The following ZBTB7C variants were observed in gnomAD, a reference collection of about 807,000 sequenced individuals.
The protein encoded by ZBTB7C is zinc finger and BTB domain containing 7C, also known as zinc finger and BTB domain-containing protein 7C.
ZBTB7C carries 8 observed loss-of-function variants against 25.7 expected under a neutral mutation model. The ratio of observed to expected loss-of-function variants is 0.31; its 90% CI spans 0.18 to 0.56. ZBTB7C has a LOEUF of 0.56. Ranked by LOEUF, ZBTB7C falls within the 20% of genes least tolerant of loss-of-function variation. ZBTB7C has a pLI of 0.91. For missense variants in ZBTB7C, 824 were observed against 855.2 expected (o/e 0.96, Z 0.46); for synonymous variants, 394 against 369.0 (o/e 1.07, Z -0.78).
At chr18:48,264,267 T>A (rs931202357) in intron 2 of ZBTB7C, among the ~76,000 whole-genome samples, 1 of 152,176 alleles carries the variant, frequency 6.6e-6, no homozygotes, top group Non-Finnish European at 1.5e-5. Context: ...ATGGGGCGAA[T>A]AAGACTGAGC....
chr18:48,220,368 T>C (rs867160670), intron 2 of ZBTB7C, among the ~76,000 whole-genome samples: 1 of 152,154 alleles, frequency 6.6e-6, no homozygotes, highest in African/African-American at 2.4e-5. Context: ...TCCTCAGAGA[T>C]GCTGGGCTAA....
chr18:48,051,623 C>T (rs570404480), intron 3 of ZBTB7C, among the ~76,000 whole-genome samples: 94 of 152,252 alleles, frequency 6.2e-4, no homozygotes, highest in Admixed American at 1.4e-3. Flanking sequence ...TGGGGGCGCT[C>T]GCATCTTCCC....
chr18:48,328,265 T>C (rs903432824), intron 2 of ZBTB7C, among the ~76,000 whole-genome samples: 2 of 151,926 alleles, frequency 1.3e-5, no homozygotes, highest in African/African-American at 2.4e-5. Context: ...TTGTTTAATA[T>C]GTATCTATTT....
chr18:48,293,865 G>A lies in ZBTB7C; in HGVS notation c.-79+44309C>T, dbSNP rs568909592. Among the ~76,000 whole-genome samples the A allele has an allele frequency of 1.5e-3, 214 of 138,554 alleles. 1 individual carries two copies. The highest frequency in any genetic ancestry group is 2.8e-3 in the Non-Finnish European group (175 of 62,610). The allele number at this position is 138,554 out of a possible 152,430, so 90.9% of individuals were successfully genotyped here. On this transcript the variant is annotated intron_variant, in intron 2 of 4. Transcript: ENST00000590800. ...ATTCCTGGCCTCAAGCAATCCTCCA[G>A]CCTAAGCCTCTCAAAGTGCTGGTAT... is the stretch of plus-strand genomic sequence containing the variant.
At chr18:48,113,822 G>A (rs1225317042) in intron 3 of ZBTB7C, among the ~76,000 whole-genome samples, 1 of 152,188 alleles carries the variant, frequency 6.6e-6, no homozygotes, top group Non-Finnish European at 1.5e-5. Context: ...TCCCACCATC[G>A]GCAGGGTGCA....
intron 2 of ZBTB7C, among the ~76,000 whole-genome samples, chr18:48,311,705 G>A (rs903573449): frequency 6.6e-6 from 1 of 152,190 alleles, no homozygotes; most frequent in Non-Finnish European, 1.5e-5. Context: ...CTGACACCTT[G>A]AAGGGAAGTC....
At chr18:48,209,155 C>A (rs567220300) in intron 2 of ZBTB7C, among the ~76,000 whole-genome samples, 1 of 152,176 alleles carries the variant, frequency 6.6e-6, no homozygotes, top group South Asian at 2.1e-4. Context: ...TATCATTTAA[C>A]CCTCTCTGAT....
chr18:48,172,039 GT>G (rs1317197417), intron 3 of ZBTB7C, among the ~76,000 whole-genome samples: 6 of 152,240 alleles, frequency 3.9e-5, no homozygotes, highest in African/African-American at 1.4e-4. Flanking sequence ...GAGGCAGACA[GT>G]TTTGTTCACA....
At chr18:48,278,682 C>G (rs566901132) in intron 2 of ZBTB7C, among the ~76,000 whole-genome samples, 2 of 152,154 alleles carry the variant, frequency 1.3e-5, no homozygotes, top group African/African-American at 4.8e-5. Flanking sequence ...CCTGCCTCAG[C>G]CTCCCAAAGT....
chr18:48,387,890 G>A lies in ZBTB7C; in HGVS notation c.-304+21336C>T, dbSNP rs369627361. ...ACAGGGTCTTGCAGTGCAGTGGTGC[G>A]ATCTCAGCTCACTGCAACCTCCGCT... On this transcript the variant is annotated intron_variant, in intron 1 of 4. Transcript: ENST00000590800. 9.9e-5 allele frequency among the ~76,000 whole-genome samples: 15 copies of A among 152,144 alleles called. No individual in the cohort carries two copies. The South Asian group carries it at 2.7e-3, about 27-fold the overall frequency.
chr18:48,051,264 G>C (rs1462839823), intron 3 of ZBTB7C, among the ~76,000 whole-genome samples: 2 of 152,226 alleles, frequency 1.3e-5, no homozygotes, highest in East Asian at 3.8e-4. Context: ...TAGCCCAAGG[G>C]ATGGGCAGAT....
At chr18:48,274,811 T>C (rs774544500) in intron 2 of ZBTB7C, among the ~76,000 whole-genome samples, 6 of 152,242 alleles carry the variant, frequency 3.9e-5, no homozygotes, top group Non-Finnish European at 5.9e-5. Context: ...GGCAGGAGGC[T>C]GATCTGCAGG....
intron 2 of ZBTB7C, among the ~76,000 whole-genome samples, chr18:48,257,143 G>C (rs1307981872): frequency 1.3e-5 from 2 of 151,870 alleles, no homozygotes; most frequent in Non-Finnish European, 1.5e-5. Context: ...AAGTAAAAAG[G>C]ATCAAAAATA....
intron 2 of ZBTB7C, among the ~76,000 whole-genome samples, chr18:48,215,386 G>A (rs2042799015): frequency 6.6e-6 from 1 of 152,210 alleles, no homozygotes; most frequent in African/African-American, 2.4e-5. Context: ...ATGTGGCCAA[G>A]GTGGTTGGGT....
intron 3 of ZBTB7C, among the ~76,000 whole-genome samples, chr18:48,127,082 G>A (rs1318204281): frequency 6.6e-6 from 1 of 152,152 alleles, no homozygotes; most frequent in Non-Finnish European, 1.5e-5. Context: ...GGCACTGATG[G>A]CTTTCCTCAT....
In ZBTB7C at chr18:48,109,332, C is replaced by T. The variant is rs190637956; in HGVS notation, c.-16-68209G>A. Among the ~76,000 whole-genome samples, 421 of 152,272 alleles carry T rather than the reference C, an allele frequency of 2.8e-3. 2 individuals are homozygous for T. The highest frequency in any genetic ancestry group is 0.013 in the South Asian group (61 of 4,820). On this transcript the variant is annotated intron_variant, in intron 3 of 4. Transcript: ENST00000590800. ...AGTTTGTGCCTCTCTAGAGCCCTTT[C>T]CCTTTCTAGAACTGGAAAGATCTAG...
chr18:48,240,686 C>T (rs547409876), intron 2 of ZBTB7C, among the ~76,000 whole-genome samples: 8 of 152,316 alleles, frequency 5.3e-5, no homozygotes, highest in African/African-American at 1.9e-4. Context: ...ACAAGAACTG[C>T]TCAAAGGAGT....
At chr18:48,179,919 TTCC>T (rs2041851293) in intron 3 of ZBTB7C, among the ~76,000 whole-genome samples, 2 of 25,068 alleles carry the variant, frequency 8.0e-5, no homozygotes, top group Admixed American at 5.5e-4. Context: ...CCTCCCTTCC[TTCC>T]TTCCTTCCCT....
intron 2 of ZBTB7C, among the ~76,000 whole-genome samples, chr18:48,272,530 C>T (rs1291809080): frequency 2.6e-5 from 4 of 152,172 alleles, no homozygotes; most frequent in Non-Finnish European, 5.9e-5. Flanking sequence ...AATAAAAATG[C>T]CTGCAGGTTA....
Sources: gnomAD v4.1 joint callset for allele counts (sites outside exome capture counted in the v4.1 genomes callset) on GRCh38, gnomAD v4.1.1 for gene constraint, MANE v1.5 for transcripts, NCBI Gene and HGNC (gene_info 2026-07-23, HGNC 2026-07-21) for gene names.